TMEM242: variants seen among roughly 807,000 people sequenced by gnomAD.
TMEM242 encodes transmembrane protein 242.
In TMEM242, 10 loss-of-function variants were observed where a neutral mutation model predicts 18.2. The observed-to-expected ratio is 0.55, with a 90% CI of 0.34 to 0.93. The LOEUF (loss-of-function observed/expected upper bound fraction) is 0.93, where lower values mean the gene tolerates loss of function less well. Among genes scored for constraint, TMEM242 ranks in the 40% least tolerant of loss-of-function variants. The pLI is 0.02. For missense variants in TMEM242, 186 were observed against 175.5 expected (o/e 1.06, Z -0.34); for synonymous variants, 57 against 69.9 (o/e 0.81, Z 0.92).
chr6:157,304,020 A>G (rs1554247706), intron 3 of TMEM242, among the ~76,000 whole-genome samples: 1 of 152,196 alleles, frequency 6.6e-6, no homozygotes, highest in Non-Finnish European at 1.5e-5. Context: ...ATGAATTGGC[A>G]AGCTCTTCTA....
intron 3 of TMEM242, among the ~76,000 whole-genome samples, chr6:157,314,151 T>A (rs1778330091): frequency 6.6e-6 from 1 of 151,428 alleles, no homozygotes; most frequent in Non-Finnish European, 1.5e-5. Flanking sequence ...CTCATCATAG[T>A]GTCCCTGTGT....
At chr6:157,321,133 C>T (rs782140741) in intron 2 of TMEM242, among the ~76,000 whole-genome samples, 1 of 151,770 alleles carries the variant, frequency 6.6e-6, no homozygotes, top group Non-Finnish European at 1.5e-5. Flanking sequence ...CTCAGCCTCC[C>T]GAGTAGCTGG....
rs1562384530 is a variant in TMEM242 at position 157,312,310 on chromosome 6, C to CATTATAGTGCCCCAGTGTGCGT, written c.327+6471_327+6472insACGCACACTGGGGCACTATAAT. The stretch of plus-strand genomic sequence containing the variant: ...ACATAGTGCCCCAGTGTGCGTTGAT[C>CATTATAGTGCCCCAGTGTGCGT]TGACCTCATTATAGTGCCCCAGTGT... On this transcript the variant is annotated intron_variant, in intron 3 of 3. Coordinates refer to ENST00000400788, the MANE Select transcript of TMEM242 (RefSeq NM_018452.6). Among the ~76,000 whole-genome samples the CATTATAGTGCCCCAGTGTGCGT allele has an allele frequency of 4.8e-4, 71 of 147,358 alleles. 1 individual carries two copies. The highest frequency in any genetic ancestry group is 1.7e-3 in the African/African-American group (70 of 40,030).
intron 3 of TMEM242, among the ~76,000 whole-genome samples, chr6:157,293,695 G>C (rs928454613): frequency 1.3e-5 from 2 of 151,928 alleles, no homozygotes; most frequent in African/African-American, 2.4e-5. Flanking sequence ...CTAGGTAGGA[G>C]TTTTACAAGC....
At chr6:157,296,011 A>G (rs1777743256) in intron 3 of TMEM242, among the ~76,000 whole-genome samples, 1 of 152,240 alleles carries the variant, frequency 6.6e-6, no homozygotes, top group African/African-American at 2.4e-5. Flanking sequence ...TATGCAGTTC[A>G]GAAAAGGTAT....
At position 157,305,744 on chromosome 6, in the gene TMEM242, G is replaced by A. The variant is rs1554247871; in HGVS notation, c.328-12745C>T. 7.6e-6 allele frequency among the ~76,000 whole-genome samples: 1 copy of A among 130,764 alleles called. No individual in the cohort carries two copies. Among genetic ancestry groups the A allele is most frequent in the African/African-American group, 3.0e-5 (1 of 33,612 alleles). The allele number at this position is 130,764 out of a possible 152,430, so 85.8% of individuals were successfully genotyped here. On this transcript the variant is annotated intron_variant, in intron 3 of 3. Coordinates refer to ENST00000400788, the MANE Select transcript of TMEM242 (RefSeq NM_018452.6). This position sits in a 1 kb window ranked among gnomAD's most constrained non-coding sequence, Gnocchi z 4.1. The stretch of plus-strand genomic sequence containing the variant: ...GTAGCTCAGAAGCCACAGTGTTTCA[G>A]GATGGAGGGGGGGCTCCATTGTGCC...
intron 3 of TMEM242, among the ~76,000 whole-genome samples, chr6:157,302,122 G>A (rs148351207): frequency 0.012 from 1,898 of 152,248 alleles, 43 homozygotes; most frequent in African/African-American, 0.044. Flanking sequence ...AAATGGTAAG[G>A]GGACTAGGTA....
At position 157,291,333 on chromosome 6, in the gene TMEM242, G is replaced by C. The variant is rs1554246819; in HGVS notation, c.*1568C>G. Reference sequence around the variant, plus strand: ...CCACATCAAACGAGTAAAGTGCATCGTTGTAACAAGGTTTGAGGGCCATCT... The same window carrying C: ...CCACATCAAACGAGTAAAGTGCATCCTTGTAACAAGGTTTGAGGGCCATCT... On this transcript the variant is annotated 3_prime_UTR_variant, in exon 4 of 4. Coordinates refer to ENST00000400788, the MANE Select transcript of TMEM242 (RefSeq NM_018452.6). 1 of 152,000 alleles carries C rather than the reference G, an allele frequency of 6.6e-6. No individual in the cohort carries two copies. The highest frequency in any genetic ancestry group is 2.1e-4 in the South Asian group (1 of 4,816). 9.4% of individuals were successfully genotyped at this position (152,000 alleles called of 1,614,324 possible).
At chr6:157,300,478 T>C (rs781788145) in intron 3 of TMEM242, among the ~76,000 whole-genome samples, 74 of 152,254 alleles carry the variant, frequency 4.9e-4, no homozygotes, top group Non-Finnish European at 8.8e-4. Flanking sequence ...AATGCTTCTA[T>C]TAACTACGGA....
chr6:157,313,078 G>GATCATAGTGCCCCAGTATCCGCT (rs1778240936), intron 3 of TMEM242, among the ~76,000 whole-genome samples: 1 of 69,506 alleles, frequency 1.4e-5, no homozygotes, highest in African/African-American at 6.0e-5. Flanking sequence ...GTCCCAGTAT[G>GATCATAGTGCCCCAGTATCCGCT]CACTCACCTG....
intron 3 of TMEM242, among the ~76,000 whole-genome samples, chr6:157,311,542 G>A (rs1778100065): frequency 8.1e-6 from 1 of 123,436 alleles, no homozygotes; most frequent in Non-Finnish European, 1.7e-5. Flanking sequence ...CCTCATCATA[G>A]TGTCCCAGTG....
At chr6:157,304,482 A>G (rs1777879826) in intron 3 of TMEM242, among the ~76,000 whole-genome samples, 1 of 124,886 alleles carries the variant, frequency 8.0e-6, no homozygotes, top group Non-Finnish European at 1.7e-5. Flanking sequence ...AAAAAAAAAA[A>G]AAAAAAAAAG....
chr6:157,294,596 C>A (rs1487089936), intron 3 of TMEM242, among the ~76,000 whole-genome samples: 1 of 151,988 alleles, frequency 6.6e-6, no homozygotes, highest in Admixed American at 6.5e-5. Flanking sequence ...GTGATCCGCC[C>A]GCCTCGGCCT....
intron 3 of TMEM242, among the ~76,000 whole-genome samples, chr6:157,312,494 C>CCTCACCTAGCCTCATCAT (rs1554249294): frequency 2.0e-5 from 3 of 150,618 alleles, no homozygotes; most frequent in Admixed American, 6.6e-5. Context: ...CATAGTGTCC[C>CCTCACCTAGCCTCATCAT]AGTGTGCACT....
chr6:157,291,861 C>T lies in TMEM242; in HGVS notation c.*1040G>A, dbSNP rs958467458. On this transcript the variant is annotated 3_prime_UTR_variant, in exon 4 of 4. Transcript: ENST00000400788. ...AAATTGCACAACTGATATTTAACTA[C>T]AGGTTTTTTCTCTGGACATATTGAC... 9.2e-5 allele frequency: 14 copies of T among 152,210 alleles called. No individual in the cohort carries two copies. Among genetic ancestry groups the T allele is most frequent in the African/African-American group, 3.1e-4 (13 of 41,460 alleles). The allele number at this position is 152,210 out of a possible 1,614,324, so 9.4% of individuals were successfully genotyped here.
intron 3 of TMEM242, among the ~76,000 whole-genome samples, chr6:157,303,711 A>T (rs1297769512): frequency 6.6e-6 from 1 of 152,198 alleles, no homozygotes; most frequent in African/African-American, 2.4e-5. Flanking sequence ...TAAACTCACC[A>T]GCATGAACAC....
chr6:157,315,543 C>T (rs1778373239), intron 3 of TMEM242, among the ~76,000 whole-genome samples: 1 of 152,164 alleles, frequency 6.6e-6, no homozygotes, highest in Admixed American at 6.5e-5. Context: ...ATGTCAGGAA[C>T]TCTCTTTCTT....
At chr6:157,310,651 C>T (rs1554248373) in intron 3 of TMEM242, among the ~76,000 whole-genome samples, 1 of 146,656 alleles carries the variant, frequency 6.8e-6, no homozygotes, top group Admixed American at 6.8e-5. Context: ...AGTGTTCGCT[C>T]ACCCGGCCTC....
intron 2 of TMEM242, 27 bp from the exon 3 acceptor site, chr6:157,318,946 A>G (rs1231480732): frequency 6.3e-7 from 1 of 1,582,674 alleles, no homozygotes; most frequent in African/African-American, 1.4e-5. Context: ...AAGTTGAGGT[A>G]AAAACAATCA....
Sources: gnomAD v4.1 joint callset for allele counts (sites outside exome capture counted in the v4.1 genomes callset) on GRCh38, gnomAD v4.1.1 for gene constraint, Gnocchi (gnomAD v3.1) non-coding constraint, MANE v1.5 for transcripts, NCBI Gene and HGNC (gene_info 2026-07-23, HGNC 2026-07-21) for gene names.